Variants in CPED1 observed in about 807,000 individuals in gnomAD.
The protein encoded by CPED1 is cadherin-like and PC-esterase domain-containing protein 1.
Under a neutral mutation model 128.2 loss-of-function variants are expected in CPED1, and 114 were observed. The ratio of observed to expected loss-of-function variants is 0.89; its 90% CI spans 0.76 to 1.04. The LOEUF (loss-of-function observed/expected upper bound fraction) is 1.04. CPED1 is among the 50% of genes least tolerant of loss of function. The pLI is 0.00. For synonymous variants in CPED1, 462 were observed against 426.7 expected, an observed-to-expected ratio of 1.08 and a Z score of -1.02; for missense variants, 1,211 against 1,207.1, an observed-to-expected ratio of 1.00 and a Z score of -0.05.
At position 121,015,822 on chromosome 7, in the gene CPED1, G is replaced by T; in HGVS notation, c.407G>T (p.Gly136Val). Residue 136 changes from glycine to valine, a missense_variant, in exon 3 of 23, where the codon GGC becomes GTC. Coordinates refer to ENST00000310396, the MANE Select transcript of CPED1 (RefSeq NM_024913.5). ...ATCGCTGAAGAAAGGCTCAATGCTG[G>T]CCTAGGGCCGGGGCTACTAGAACAA... The part of the protein sequence containing the change: ...VVIAEERLNA[G>V]LGPGLLEQGD... 6.3e-7 allele frequency: 1 copy of T among 1,576,700 alleles called. No individual in the cohort carries two copies. The highest frequency in any genetic ancestry group is 1.7e-4 in the Middle Eastern group (1 of 5,934).
At chr7:121,011,369 C>T (rs758193658) in intron 2 of CPED1, among the ~76,000 whole-genome samples, 7 of 152,020 alleles carry the variant, frequency 4.6e-5, no homozygotes, top group Non-Finnish European at 8.8e-5. Flanking sequence ...ACTGTAAATT[C>T]ATTATTTTGC....
At chr7:121,045,646 T>G (rs766764252) in intron 3 of CPED1, among the ~76,000 whole-genome samples, 3 of 152,202 alleles carry the variant, frequency 2.0e-5, no homozygotes, top group Non-Finnish European at 2.9e-5. Context: ...CTAGACCTAA[T>G]GCAGGAGATG....
intron 16 of CPED1, among the ~76,000 whole-genome samples, chr7:121,159,160 T>C (rs182902695): frequency 3.3e-5 from 5 of 152,322 alleles, no homozygotes; most frequent in African/African-American, 1.2e-4. Flanking sequence ...ATAAATATAT[T>C]CGACTTCAAA....
chr7:121,246,503 G>GTCA (rs1798537862), intron 18 of CPED1, among the ~76,000 whole-genome samples: 1 of 152,110 alleles, frequency 6.6e-6, no homozygotes, highest in South Asian at 2.1e-4. Context: ...TTCTTGCTTT[G>GTCA]TCATCACACA....
In CPED1 at chr7:121,295,423, T is replaced by G; in HGVS notation, c.2869-17T>G. ...TTCTTGATTTTGCCTCACAGTTTTCTTGCTCTTCATTTACAGGTAGTGAAA... is the reference window on the plus strand; with the variant it reads ...TTCTTGATTTTGCCTCACAGTTTTCGTGCTCTTCATTTACAGGTAGTGAAA... On this transcript the variant is annotated splice_polypyrimidine_tract_variant and intron_variant, in intron 22 of 22. Coordinates refer to ENST00000310396, the MANE Select transcript of CPED1 (RefSeq NM_024913.5). 6.2e-7 allele frequency: 1 copy of G among 1,600,676 alleles called. No individual in the cohort carries two copies.
intron 16 of CPED1, among the ~76,000 whole-genome samples, chr7:121,175,625 A>G (rs568906594): frequency 1.3e-5 from 2 of 152,228 alleles, no homozygotes; most frequent in South Asian, 2.1e-4. Context: ...AAAAGCATCA[A>G]TGTTATTACT....
chr7:121,150,212 C>T (rs13238167), intron 16 of CPED1, among the ~76,000 whole-genome samples: 30,667 of 149,998 alleles, frequency 0.2, 3,844 homozygotes, highest in African/African-American at 0.35. Flanking sequence ...CCCTCCCTTT[C>T]TCCCCCATCT....
rs146057017 is a variant in CPED1 at position 121,278,080 on chromosome 7, C to A, written c.2868+6650C>A. On this transcript the variant is annotated intron_variant, in intron 22 of 22. Coordinates refer to ENST00000310396, the MANE Select transcript of CPED1 (RefSeq NM_024913.5). Reference sequence around the variant, plus strand: ...GAGTGGTTTTGGTAAAATGTCGGGGCAAGAATTAGACTAGAATAGTTGAAG... The same window carrying A: ...GAGTGGTTTTGGTAAAATGTCGGGGAAAGAATTAGACTAGAATAGTTGAAG... Among the ~76,000 whole-genome samples, 146 of 151,738 alleles carry A rather than the reference C, an allele frequency of 9.6e-4. 1 individual carries two copies. Among genetic ancestry groups the A allele is most frequent in the African/African-American group, 3.4e-3 (140 of 41,340 alleles).
chr7:121,134,265 C>T (rs1034796503), intron 13 of CPED1, among the ~76,000 whole-genome samples: 3 of 151,954 alleles, frequency 2.0e-5, no homozygotes, highest in African/African-American at 4.8e-5. Context: ...AGAAAGAAAT[C>T]CTGTTGTTTG....
chr7:121,285,227 G>T (rs1459319484), intron 22 of CPED1, among the ~76,000 whole-genome samples: 2 of 152,168 alleles, frequency 1.3e-5, no homozygotes, highest in African/African-American at 2.4e-5. Flanking sequence ...TGGGACACAG[G>T]GCAGTATGTC....
At chr7:121,002,458 T>G (rs1400734467) in intron 2 of CPED1, among the ~76,000 whole-genome samples, 1 of 152,202 alleles carries the variant, frequency 6.6e-6, no homozygotes, top group African/African-American at 2.4e-5. Flanking sequence ...TGTTATTATC[T>G]TTAAGAACTA....
chr7:121,191,726 T>C (rs1294015209), intron 16 of CPED1, among the ~76,000 whole-genome samples: 1 of 152,082 alleles, frequency 6.6e-6, no homozygotes, highest in African/African-American at 2.4e-5. Context: ...TTGATCAAAA[T>C]GTATTTTTAA....
intron 2 of CPED1, among the ~76,000 whole-genome samples, chr7:120,997,320 G>A (rs982231081): frequency 5.3e-5 from 8 of 152,216 alleles, no homozygotes; most frequent in Admixed American, 3.9e-4. Flanking sequence ...TCTTTTTTAA[G>A]TGAAGAGAAA....
chr7:121,074,676 G>A (rs1794078978), intron 5 of CPED1, among the ~76,000 whole-genome samples: 3 of 151,980 alleles, frequency 2.0e-5, no homozygotes, highest in South Asian at 2.1e-4. Context: ...TAAGCCAAAC[G>A]TCTTTTTGAA....
intron 18 of CPED1, among the ~76,000 whole-genome samples, chr7:121,263,705 A>G (rs901201787): frequency 3.9e-5 from 6 of 152,060 alleles, no homozygotes; most frequent in African/African-American, 2.4e-5. Context: ...TCAGTAATAT[A>G]TAACTACTTT....
rs35927005 is a variant in CPED1 at position 121,098,767 on chromosome 7, AATAT to A, written c.749+946_749+949del. ...ATAAAAATATATAAAAATATATATA[AATAT>A]ATATATATAAAAATATATAAAAATA... On this transcript the variant is annotated intron_variant, in intron 6 of 22. Coordinates refer to ENST00000310396, the MANE Select transcript of CPED1 (RefSeq NM_024913.5). Among the ~76,000 whole-genome samples, 7 of 121,156 alleles carry A rather than the reference AATAT, an allele frequency of 5.8e-5. 1 individual carries two copies. The highest frequency in any genetic ancestry group is 2.1e-4 in the East Asian group (1 of 4,752). 79.5% of individuals were successfully genotyped at this position (121,156 alleles called of 152,430 possible).
chr7:121,218,599 C>T (rs1797811687), intron 16 of CPED1, among the ~76,000 whole-genome samples: 1 of 151,900 alleles, frequency 6.6e-6, no homozygotes, highest in South Asian at 2.1e-4. Flanking sequence ...TTGGTGTCAC[C>T]ATTGTTGGCA....
chr7:121,251,847 A>T (rs1268795077), intron 18 of CPED1, among the ~76,000 whole-genome samples: 1 of 149,160 alleles, frequency 6.7e-6, no homozygotes, highest in Non-Finnish European at 1.5e-5. Context: ...TTCCATGCTC[A>T]TGGGTAGGAA....
intron 22 of CPED1, among the ~76,000 whole-genome samples, chr7:121,273,485 T>C (rs776139950): frequency 1.9e-4 from 29 of 151,674 alleles, no homozygotes; most frequent in Admixed American, 3.9e-4. Flanking sequence ...TCACCACCAC[T>C]GCACTCCAGC....
Sources: allele counts gnomAD v4.1 joint callset (sites outside exome capture counted in the v4.1 genomes callset), GRCh38; gene constraint gnomAD v4.1.1; transcripts MANE v1.5; gene names NCBI Gene and HGNC (gene_info 2026-07-23, HGNC 2026-07-21).